The following ANP32B variants were observed in gnomAD, a reference collection of about 807,000 sequenced individuals.
The protein encoded by ANP32B is acidic nuclear phosphoprotein 32 family member B, also known as acidic leucine-rich nuclear phosphoprotein 32 family member B.
Under a neutral mutation model 32.2 loss-of-function variants are expected in ANP32B, and 6 were observed. The ratio of observed to expected loss-of-function variants is 0.19; its 90% CI spans 0.10 to 0.37. The LOEUF (loss-of-function observed/expected upper bound fraction) is 0.37, where lower values mean the gene tolerates loss of function less well. ANP32B is among the 10% of genes least tolerant of loss of function. ANP32B has a pLI of 1.00. For synonymous variants in ANP32B, 98 were observed against 105.8 expected (o/e 0.93, Z 0.45); for missense variants, 204 against 289.2 (o/e 0.71, Z 2.14).
At chr9:98,006,446 T>C (rs1828084613) in intron 4 of ANP32B, among the ~76,000 whole-genome samples, 1 of 112,678 alleles carries the variant, frequency 8.9e-6, no homozygotes, top group Non-Finnish European at 1.7e-5. Context: ...GTCACAGTTT[T>C]GTTAGGCCCA....
intron 1 of ANP32B, chr9:97,986,941 G>A (rs749737657): frequency 4.6e-5 from 7 of 152,212 alleles, no homozygotes; most frequent in Non-Finnish European, 1.0e-4. Flanking sequence ...AAGACCAGAT[G>A]GGCTTTTATT....
Position 98,012,465 on chromosome 9 carries a change from GGAT to G in ANP32B, c.684_686del (p.Asp228del). On this transcript the variant is annotated inframe_deletion, in exon 6 of 7. Transcript: ENST00000339399. ...ATGAAGAAGATGAAGATGAGGATGA[GGAT>G]GAAGGTGGGCCTAATGCATGCATTT... 1 of 1,612,368 alleles carries G rather than the reference GGAT, an allele frequency of 6.2e-7. No homozygotes were observed. Among genetic ancestry groups the G allele is most frequent in the African/African-American group, 1.3e-5 (1 of 74,938 alleles).
At chr9:98,013,091 T>G (rs777349916) in intron 6 of ANP32B, among the ~76,000 whole-genome samples, 10 of 152,178 alleles carry the variant, frequency 6.6e-5, no homozygotes, top group Non-Finnish European at 1.3e-4. Flanking sequence ...TGGTGCAATC[T>G]AAGCTCACTG....
At chr9:98,005,853 G>GGACT in intron 4 of ANP32B, among the ~76,000 whole-genome samples, 1 of 152,164 alleles carries the variant, frequency 6.6e-6, no homozygotes, top group African/African-American at 2.4e-5. Flanking sequence ...TCAACCCACA[G>GGACT]GCCACAGACT....
intron 1 of ANP32B, chr9:97,984,468 CGCGGCG>C (rs1182139048): frequency 4.0e-5 from 6 of 151,542 alleles, no homozygotes; most frequent in Non-Finnish European, 8.8e-5. Context: ...CCCCCTGTGC[CGCGGCG>C]GCGGCGCCCG....
chr9:97,991,126 CTT>C (rs566405365), intron 1 of ANP32B, among the ~76,000 whole-genome samples: 3 of 144,484 alleles, frequency 2.1e-5, no homozygotes, highest in Middle Eastern at 3.7e-3. Flanking sequence ...CCCAGCCAAA[CTT>C]TTTTTTTTTT....
chr9:97,985,431 G>T (rs559586014), intron 1 of ANP32B, among the ~76,000 whole-genome samples: 1 of 152,286 alleles, frequency 6.6e-6, no homozygotes, highest in South Asian at 2.1e-4. Flanking sequence ...GCGTTCTTCC[G>T]ACCTTCCGTC....
chr9:97,983,852 G>C (rs998024881), intron 1 of ANP32B, among the ~76,000 whole-genome samples: 1 of 151,852 alleles, frequency 6.6e-6, no homozygotes, highest in African/African-American at 2.4e-5. Flanking sequence ...AGCAAACTTT[G>C]AGCGCTTCGC....
chr9:98,007,713 G>A (rs1828110352), intron 4 of ANP32B, among the ~76,000 whole-genome samples: 1 of 152,214 alleles, frequency 6.6e-6, no homozygotes, highest in Non-Finnish European at 1.5e-5. Flanking sequence ...GTGAGTCTAT[G>A]CACTGTGTCA....
chr9:97,984,483 C>T (rs1231958973), intron 1 of ANP32B: 10 of 151,376 alleles, frequency 6.6e-5, no homozygotes, highest in East Asian at 2.0e-4. Flanking sequence ...CGGCGGCGCC[C>T]GGGGCCCCTG....
At chr9:98,008,014 T>A (rs1416371451) in intron 4 of ANP32B, among the ~76,000 whole-genome samples, 1 of 151,070 alleles carries the variant, frequency 6.6e-6, no homozygotes, top group African/African-American at 2.4e-5. Flanking sequence ...TGGTAAAACT[T>A]TTTTTTTTAA....
rs749295871 is a variant in ANP32B at position 97,999,631 on chromosome 9, T to TATAGC, written c.327+955_327+959dup. Among the ~76,000 whole-genome samples the TATAGC allele has an allele frequency of 1.7e-4, 26 of 152,334 alleles. 1 individual carries two copies. Among genetic ancestry groups the TATAGC allele is most frequent in the Non-Finnish European group, 3.2e-4 (22 of 68,022 alleles). On this transcript the variant is annotated intron_variant, in intron 3 of 6. Coordinates refer to ENST00000339399, the MANE Select transcript of ANP32B (RefSeq NM_006401.3). ...CTCTCTGGGCCTCAGTTTCCTCACT[T>TATAGC]ATAGCAGGGAGGATAATAATCCCTG... is the stretch of plus-strand genomic sequence containing the variant.
At chr9:98,008,862 G>A (rs1178764365) in intron 4 of ANP32B, among the ~76,000 whole-genome samples, 1 of 152,086 alleles carries the variant, frequency 6.6e-6, no homozygotes, top group Non-Finnish European at 1.5e-5. Context: ...AACATAATGC[G>A]TTTGAATCAT....
At chr9:98,013,062 C>T (rs150942346) in intron 6 of ANP32B, among the ~76,000 whole-genome samples, 440 of 152,232 alleles carry the variant, frequency 2.9e-3, no homozygotes, top group African/African-American at 0.01. Context: ...CTTGCTCTGT[C>T]GCCCAGTCTG....
chr9:97,985,504 C>T (rs1488870931), intron 1 of ANP32B, among the ~76,000 whole-genome samples: 2 of 152,138 alleles, frequency 1.3e-5, no homozygotes, highest in Non-Finnish European at 2.9e-5. Context: ...ACTTGAGAGG[C>T]TTTCTTGGCT....
chr9:98,005,454 T>C (rs1828064877), intron 4 of ANP32B, among the ~76,000 whole-genome samples: 1 of 151,872 alleles, frequency 6.6e-6, no homozygotes, highest in East Asian at 1.9e-4. Context: ...CCTAGGAGTT[T>C]GAGGCTACAG....
At chr9:97,988,050 T>C (rs867815416) in intron 1 of ANP32B, among the ~76,000 whole-genome samples, 3 of 152,146 alleles carry the variant, frequency 2.0e-5, no homozygotes, top group Admixed American at 6.5e-5. Flanking sequence ...CTAGACACTT[T>C]AGTGTATTAT....
intron 2 of ANP32B, among the ~76,000 whole-genome samples, chr9:97,996,043 C>T (rs1043802236): frequency 2.0e-5 from 3 of 151,464 alleles, no homozygotes; most frequent in African/African-American, 2.4e-5. Context: ...AAGCAGTCTT[C>T]GTGAGTTTCA....
chr9:97,983,752 G>A (rs887613659), intron 1 of ANP32B, 143 bp downstream of exon 1: 11 of 574,862 alleles, frequency 1.9e-5, no homozygotes, highest in Non-Finnish European at 3.0e-5. Flanking sequence ...AGGCGGGCGG[G>A]CGCGGAGGGG....
Sources: gnomAD v4.1 joint callset for allele counts (sites outside exome capture counted in the v4.1 genomes callset) on GRCh38, gnomAD v4.1.1 for gene constraint, MANE v1.5 for transcripts, NCBI Gene and HGNC (gene_info 2026-07-23, HGNC 2026-07-21) for gene names.